Variants in MYRIP observed in about 807,000 individuals in gnomAD.
MYRIP encodes myosin VIIA and Rab interacting protein, also known as rab effector MyRIP.
MYRIP carries 49 observed loss-of-function variants against 98.0 expected under a neutral mutation model. The ratio of observed to expected loss-of-function variants is 0.50; its 90% CI spans 0.40 to 0.63. MYRIP has a LOEUF of 0.63. MYRIP is among the 30% of genes least tolerant of loss of function. MYRIP has a pLI of 0.00. For missense variants in MYRIP, 1,004 were observed against 1,058.2 expected, an observed-to-expected ratio of 0.95 and a Z score of 0.71; for synonymous variants, 404 against 409.5, an observed-to-expected ratio of 0.99 and a Z score of 0.16.
chr3:39,973,199 G>A (rs1945644193), intron 2 of MYRIP, among the ~76,000 whole-genome samples: 1 of 151,996 alleles, frequency 6.6e-6, no homozygotes, highest in Admixed American at 6.6e-5. Context: ...ATAAAGGGAT[G>A]GAGGAAGATC....
intron 2 of MYRIP, among the ~76,000 whole-genome samples, chr3:39,947,478 T>C (rs1944929449): frequency 6.6e-6 from 1 of 152,176 alleles, no homozygotes; most frequent in Non-Finnish European, 1.5e-5. Context: ...TGAACAATTT[T>C]AGAACATTGA....
At chr3:40,090,780 T>A (rs532221404) in intron 3 of MYRIP, among the ~76,000 whole-genome samples, 2 of 152,312 alleles carry the variant, frequency 1.3e-5, no homozygotes, top group South Asian at 4.2e-4. Context: ...AACAGTAGTG[T>A]CCTACTTCTA....
At chr3:40,140,436 G>T (rs1457592393) in intron 3 of MYRIP, among the ~76,000 whole-genome samples, 1 of 152,188 alleles carries the variant, frequency 6.6e-6, no homozygotes, top group Non-Finnish European at 1.5e-5. Flanking sequence ...GGGTGCAGAT[G>T]TCTCTTCGGT....
rs115972948 is a variant in MYRIP at position 40,047,089 on chromosome 3, G to C, written c.332+2818G>C. Among the ~76,000 whole-genome samples the C allele has an allele frequency of 2.3e-3, 354 of 152,272 alleles. 2 individuals are homozygous for C. Among genetic ancestry groups the C allele is most frequent in the Middle Eastern group, 0.014 (4 of 294 alleles). On this transcript the variant is annotated intron_variant, in intron 3 of 16. Coordinates refer to ENST00000302541, the MANE Select transcript of MYRIP (RefSeq NM_015460.4). The stretch of plus-strand genomic sequence containing the variant: ...CTCAGAATCCCATCACCTATAAATG[G>C]AAGAACCTTGCCTCGCAAAAGCAAG...
At chr3:39,945,649 A>G (rs747211863) in intron 2 of MYRIP, among the ~76,000 whole-genome samples, 2 of 152,078 alleles carry the variant, frequency 1.3e-5, no homozygotes, top group Admixed American at 6.6e-5. Context: ...CAGATCTTCA[A>G]GAACTTAAAG....
chr3:40,010,376 G>A (rs1376368946), intron 2 of MYRIP, among the ~76,000 whole-genome samples: 1 of 152,224 alleles, frequency 6.6e-6, no homozygotes, highest in African/African-American at 2.4e-5. Flanking sequence ...AGGAGAAAGA[G>A]CAGAGGAGCC....
chr3:40,004,809 C>T (rs1239496413), intron 2 of MYRIP, among the ~76,000 whole-genome samples: 1 of 151,928 alleles, frequency 6.6e-6, no homozygotes, highest in African/African-American at 2.4e-5. Flanking sequence ...ATGCCGTTTC[C>T]AAGAGATACA....
chr3:40,198,233 G>C lies in MYRIP; in HGVS notation c.1665+7770G>C, dbSNP rs183196189. 3.2e-3 allele frequency among the ~76,000 whole-genome samples: 486 copies of C among 152,250 alleles called. 3 individuals are homozygous for C. The highest frequency in any genetic ancestry group is 5.0e-3 in the Admixed American group (77 of 15,296). ...GGAAGCACCGAGGGCAGTTGGAAGT[G>C]AGCTTCTCCTCGGATGCTTAAAAAG... On this transcript the variant is annotated intron_variant, in intron 10 of 16. Transcript: ENST00000302541.
intron 2 of MYRIP, among the ~76,000 whole-genome samples, chr3:39,984,509 C>G (rs1378850191): frequency 6.6e-6 from 1 of 152,024 alleles, no homozygotes; most frequent in Non-Finnish European, 1.5e-5. Flanking sequence ...AGTTTACTGA[C>G]AATGATGATT....
At chr3:39,897,306 A>G (rs959919803) in intron 1 of MYRIP, among the ~76,000 whole-genome samples, 1 of 152,242 alleles carries the variant, frequency 6.6e-6, no homozygotes, top group Non-Finnish European at 1.5e-5. Context: ...AAGCCCCATG[A>G]AGGCAATACA....
chr3:40,134,620 GGGAGGCACACCCCAGTA>G (rs913365590), intron 3 of MYRIP, among the ~76,000 whole-genome samples: 34 of 152,208 alleles, frequency 2.2e-4, no homozygotes, highest in Non-Finnish European at 3.8e-4. Context: ...TAGCCTAACT[GGGAGGCACACCCCAGTA>G]GGGGCGGACT....
At chr3:39,858,555 A>G (rs1942372005) in intron 1 of MYRIP, among the ~76,000 whole-genome samples, 1 of 152,148 alleles carries the variant, frequency 6.6e-6, no homozygotes, top group African/African-American at 2.4e-5. Context: ...ACAGACATAT[A>G]TAGAACTTTC....
Position 40,232,519 on chromosome 3 carries a change from C to G in MYRIP, c.1906-1340C>G, listed in dbSNP as rs533814045. Among the ~76,000 whole-genome samples, 31 of 152,308 alleles carry G rather than the reference C, an allele frequency of 2.0e-4. No individual in the cohort carries two copies. In the South Asian group the frequency reaches 6.2e-3, roughly 31 times the overall value. On this transcript the variant is annotated intron_variant, in intron 11 of 16. Transcript: ENST00000302541. ...ATATTTTGGTCAAGATTATATGGGT[C>G]AGATAGGTACCTTGGGAAGGCATAT...
intron 2 of MYRIP, among the ~76,000 whole-genome samples, chr3:39,974,758 T>C (rs1227377266): frequency 1.3e-5 from 2 of 152,162 alleles, no homozygotes; most frequent in Non-Finnish European, 2.9e-5. Flanking sequence ...TGCAAATCAA[T>C]AAACATAATC....
intron 9 of MYRIP, among the ~76,000 whole-genome samples, chr3:40,185,367 G>T (rs1212643823): frequency 1.3e-5 from 2 of 152,138 alleles, no homozygotes; most frequent in Non-Finnish European, 2.9e-5. Flanking sequence ...CAGTGTTGGG[G>T]AAATAAAGAT....
intron 3 of MYRIP, among the ~76,000 whole-genome samples, chr3:40,112,138 T>C (rs964125421): frequency 6.6e-6 from 1 of 152,064 alleles, no homozygotes. Context: ...ATTGCTTCTG[T>C]GCACCCCTGG....
chr3:39,998,281 C>T (rs993228839), intron 2 of MYRIP, among the ~76,000 whole-genome samples: 1 of 152,198 alleles, frequency 6.6e-6, no homozygotes, highest in Non-Finnish European at 1.5e-5. Flanking sequence ...GTCTAGGAAA[C>T]ACCATCATCT....
chr3:40,153,419 C>T (rs1389927943), intron 4 of MYRIP, among the ~76,000 whole-genome samples: 1 of 152,222 alleles, frequency 6.6e-6, no homozygotes, highest in Non-Finnish European at 1.5e-5. Flanking sequence ...TTAGCTTTTG[C>T]CTGTCACCCA....
chr3:39,989,990 C>T (rs999310247), intron 2 of MYRIP, among the ~76,000 whole-genome samples: 12 of 152,334 alleles, frequency 7.9e-5, no homozygotes, highest in East Asian at 7.7e-4. Flanking sequence ...GGAGTCCAAA[C>T]GGCTTAGACA....
Sources: allele counts gnomAD v4.1 joint callset (sites outside exome capture counted in the v4.1 genomes callset), GRCh38; gene constraint gnomAD v4.1.1; transcripts MANE v1.5; gene names NCBI Gene and HGNC (gene_info 2026-07-23, HGNC 2026-07-21).